Variants in MACF1 observed in about 807,000 individuals in gnomAD.
MACF1 encodes microtubule-actin cross-linking factor 1.
MACF1 carries 193 observed loss-of-function variants against 854.8 expected under a neutral mutation model. That is an observed-to-expected ratio of 0.23 (90% CI 0.20 to 0.25). MACF1 has a LOEUF of 0.25. Ranked by LOEUF, MACF1 falls within the 10% of genes least tolerant of loss-of-function variation. The probability of loss-of-function intolerance (pLI) is 1.00; values close to 1 mark genes in which losing one functional copy is unlikely to be tolerated. For missense variants in MACF1, 7,722 were observed against 8,929.1 expected (o/e 0.86, Z 5.45); for synonymous variants, 3,185 against 3,226.7 (o/e 0.99, Z 0.44).
At chr1:39,289,919 C>T (rs766180004) in intron 15 of MACF1, among the ~76,000 whole-genome samples, 121 of 151,854 alleles carry the variant, frequency 8.0e-4, no homozygotes, top group Admixed American at 1.7e-3. Context: ...AGGCTGGTCT[C>T]GAACTCCTGA....
intron 35 of MACF1, among the ~76,000 whole-genome samples, chr1:39,325,396 AGTATG>A (rs1002780889): frequency 6.6e-6 from 1 of 152,256 alleles, no homozygotes; most frequent in African/African-American, 2.4e-5. Context: ...GGTCAGATTT[AGTATG>A]GTGAGGAGCA....
At chr1:39,119,177 C>T (rs567056674) in intron 2 of MACF1, among the ~76,000 whole-genome samples, 2 of 152,112 alleles carry the variant, frequency 1.3e-5, no homozygotes, top group South Asian at 4.2e-4. Flanking sequence ...AATTAGCTGG[C>T]GTGGTGGCCC....
chr1:39,102,735 C>T (rs1426784046), intron 2 of MACF1: 8 of 702,112 alleles, frequency 1.1e-5, no homozygotes, highest in Non-Finnish European at 2.1e-5. Flanking sequence ...CTGCTTCCCC[C>T]ATTGCAGCCT....
intron 6 of MACF1, among the ~76,000 whole-genome samples, chr1:39,263,919 G>A (rs190763142): frequency 0.015 from 2,291 of 151,430 alleles, 24 homozygotes; most frequent in South Asian, 0.024. Context: ...GGCTACAGGC[G>A]CCCGCCACCA....
At chr1:39,469,833 TACTTATATAGTTTTATGTGCCACACACTA>T (rs1389374088) in intron 97 of MACF1, among the ~76,000 whole-genome samples, 1 of 152,252 alleles carries the variant, frequency 6.6e-6, no homozygotes, top group Non-Finnish European at 1.5e-5. Flanking sequence ...ATTTAACAAA[TACTTATATAGTTTTATGTGCCACACACTA>T]TTACAAGTAC....
chr1:39,328,629 A>G (rs1557590027), intron 36 of MACF1: 1 of 152,224 alleles, frequency 6.6e-6, no homozygotes, highest in Non-Finnish European at 1.5e-5. Context: ...CACCAAGCTT[A>G]CACTGTGTGT....
chr1:39,340,761 G>A, intron 39 of MACF1, 43 bp from the exon 40 acceptor site: 4 of 1,612,184 alleles, frequency 2.5e-6, no homozygotes, highest in Non-Finnish European at 3.4e-6. Flanking sequence ...AAGTCTGGGT[G>A]GCTGGGAGAT....
In MACF1 at chr1:39,318,434, T is replaced by A; in HGVS notation, c.3783-19T>A. 6.2e-7 allele frequency: 1 copy of A among 1,610,864 alleles called. No homozygotes were observed. Among genetic ancestry groups the A allele is most frequent in the Non-Finnish European group, 8.5e-7 (1 of 1,178,178 alleles). On this transcript the variant is annotated intron_variant, in intron 29 of 100. Coordinates refer to ENST00000564288, the MANE Select transcript of MACF1 (RefSeq NM_001394062.1). ...TTTGTACCAAGGTATCTGATAGCAG[T>A]TTCCCTTTGTTCTTCTAGCCAATCT...
chr1:39,253,486 A>G (rs1645064406), intron 4 of MACF1, among the ~76,000 whole-genome samples: 1 of 131,978 alleles, frequency 7.6e-6, no homozygotes, highest in Non-Finnish European at 1.6e-5. Flanking sequence ...CTCATTTCCT[A>G]TGGTTAAAAA....
Position 39,116,473 on chromosome 1 carries a change from T to C in MACF1, c.220+32035T>C, listed in dbSNP as rs1297196690. Among the ~76,000 whole-genome samples, 4 of 152,188 alleles carry C rather than the reference T, an allele frequency of 2.6e-5. No homozygotes were observed. In the East Asian group the frequency reaches 7.7e-4, roughly 29 times the overall value. On this transcript the variant is annotated intron_variant, in intron 2 of 93. Coordinates refer to the MACF1 transcript ENST00000361689. ...GAAGCACTCAACAACCTGATTGTAATAGATTCCAAGGCAGACAGGTAGATT... is the reference window on the plus strand; with the variant it reads ...GAAGCACTCAACAACCTGATTGTAACAGATTCCAAGGCAGACAGGTAGATT...
chr1:39,302,626 G>A (rs1390896030), intron 22 of MACF1, among the ~76,000 whole-genome samples: 1 of 152,150 alleles, frequency 6.6e-6, no homozygotes, highest in African/African-American at 2.4e-5. Context: ...TTTGTGCTGA[G>A]ATCGCTCTTG....
rs371664301 is a variant in MACF1, at chr1:39,474,304, G to A, written c.21958+4689G>A. 6.7e-4 allele frequency among the ~76,000 whole-genome samples: 102 copies of A among 151,656 alleles called. 1 individual carries two copies. In the East Asian group the frequency reaches 0.018, roughly 27 times the overall value. On this transcript the variant is annotated intron_variant, in intron 97 of 100. Coordinates refer to ENST00000564288, the MANE Select transcript of MACF1 (RefSeq NM_001394062.1). ...CTCGAGAGGCTGAGGCAGGAGAATC[G>A]CTTGAACCCAGGAGGCAGAGGTTGC...
chr1:39,290,833 A>C (rs2148397557), intron 15 of MACF1, among the ~76,000 whole-genome samples: 1 of 149,398 alleles, frequency 6.7e-6, no homozygotes, highest in South Asian at 2.1e-4. Flanking sequence ...ACGCCCAGCT[A>C]ATTTTTTGTA....
At position 39,331,865 on chromosome 1, in the gene MACF1, G is replaced by A. The variant is rs1216567291; in HGVS notation, c.5277G>A (p.Arg1759=). 10 of 1,614,034 alleles carry A rather than the reference G, an allele frequency of 6.2e-6. No individual in the cohort carries two copies. The highest frequency in any genetic ancestry group is 1.7e-5 in the Admixed American group (1 of 59,998). Reference sequence around the variant, plus strand: ...CAGTTCAGGAAGGGCTAATAGATAGGCAGGTCACTGTCCGGTTGCTGGAAG... The same window carrying A: ...CAGTTCAGGAAGGGCTAATAGATAGACAGGTCACTGTCCGGTTGCTGGAAG... ...FRAVQEGLID[R]QVTVRLLEAQ... The change falls in exon 37 of 101, where the codon AGG becomes AGA. Residue 1759 remains arginine (R), a synonymous_variant. Coordinates refer to ENST00000564288, the MANE Select transcript of MACF1 (RefSeq NM_001394062.1).
At chr1:39,177,556 A>G (rs573175787) in intron 2 of MACF1, among the ~76,000 whole-genome samples, 1 of 152,122 alleles carries the variant, frequency 6.6e-6, no homozygotes, top group Non-Finnish European at 1.5e-5. Flanking sequence ...GCCACTCCAC[A>G]TATCATTCGT....
At chr1:39,134,850 C>T (rs1282714143) in intron 2 of MACF1, among the ~76,000 whole-genome samples, 1 of 152,116 alleles carries the variant, frequency 6.6e-6, no homozygotes, top group African/African-American at 2.4e-5. Context: ...CAAGTACATT[C>T]ACTTGATTGT....
In MACF1 at chr1:39,283,176, T is replaced by C; in HGVS notation, c.696-13T>C. On this transcript the variant is annotated splice_polypyrimidine_tract_variant and intron_variant, in intron 7 of 100. Transcript: ENST00000564288. The surrounding 1 kb of genome is among the most constrained non-coding windows in gnomAD (Gnocchi z 4.5). Reference sequence around the variant, plus strand: ...GATGGTGGCGTTTCATGTGCCTTGCTGGACTTTTACAGACCCGATCTAGTA... The same window carrying C: ...GATGGTGGCGTTTCATGTGCCTTGCCGGACTTTTACAGACCCGATCTAGTA... 1 of 1,561,140 alleles carries C rather than the reference T, an allele frequency of 6.4e-7. No homozygotes were observed. Among genetic ancestry groups the C allele is most frequent in the South Asian group, 1.1e-5 (1 of 88,602 alleles).
chr1:39,114,460 T>G (rs374547989), intron 2 of MACF1, among the ~76,000 whole-genome samples: 3 of 152,096 alleles, frequency 2.0e-5, no homozygotes, highest in East Asian at 1.9e-4. Context: ...AACTTCATTA[T>G]GGAAACACAG....
At chr1:39,150,673 C>T (rs962166961) in intron 2 of MACF1, among the ~76,000 whole-genome samples, 4 of 152,152 alleles carry the variant, frequency 2.6e-5, no homozygotes, top group Admixed American at 1.3e-4. Flanking sequence ...TTGCAGTTGT[C>T]AAGGTCACCA....
Sources: allele counts gnomAD v4.1 joint callset (sites outside exome capture counted in the v4.1 genomes callset), GRCh38; gene constraint gnomAD v4.1.1; non-coding constraint Gnocchi (gnomAD v3.1); transcripts MANE v1.5; gene names NCBI Gene and HGNC (gene_info 2026-07-23, HGNC 2026-07-21).